VPS53: variants seen among roughly 807,000 people sequenced by gnomAD.
The protein encoded by VPS53 is vacuolar protein sorting-associated protein 53 homolog.
A neutral mutation model predicts 107.0 loss-of-function variants in VPS53; 70 were observed. That is an observed-to-expected ratio of 0.65 (90% CI 0.54 to 0.80). VPS53 has a LOEUF of 0.80. Ranked by LOEUF, VPS53 falls within the 30% of genes least tolerant of loss-of-function variation. The pLI, the probability that VPS53 is intolerant of heterozygous loss-of-function variation, is 0.00. For synonymous variants in VPS53, 409 were observed against 393.3 expected, an observed-to-expected ratio of 1.04 and a Z score of -0.47; for missense variants, 917 against 1,049.4, an observed-to-expected ratio of 0.87 and a Z score of 1.74.
intron 10 of VPS53, among the ~76,000 whole-genome samples, chr17:624,456 A>G (rs1160466585): frequency 6.6e-6 from 1 of 152,216 alleles, no homozygotes; most frequent in Non-Finnish European, 1.5e-5. Flanking sequence ...GTTCCATCTC[A>G]GAAGCTCAGT....
chr17:642,298 C>T (rs926822812), intron 7 of VPS53, among the ~76,000 whole-genome samples: 1 of 151,820 alleles, frequency 6.6e-6, no homozygotes, highest in African/African-American at 2.4e-5. Context: ...TACTTGGCAA[C>T]CGAGGACAAC....
intron 13 of VPS53, among the ~76,000 whole-genome samples, chr17:563,555 A>G (rs895658597): frequency 1.3e-5 from 2 of 152,200 alleles, no homozygotes; most frequent in African/African-American, 4.8e-5. Context: ...TGGCCTCCCA[A>G]AGTGCTGGGA....
chr17:591,071 A>G (rs1349594819), intron 12 of VPS53, among the ~76,000 whole-genome samples: 1 of 152,148 alleles, frequency 6.6e-6, no homozygotes, highest in African/African-American at 2.4e-5. Context: ...TTATTGGTCT[A>G]TTCAGAGATT....
rs1282036208 is a variant in VPS53, at chr17:706,535, C to CAA, written c.168+3996_168+3997dup. On this transcript the variant is annotated intron_variant, in intron 2 of 21. Transcript: ENST00000437048. ...CTGGCAACAGAGTGAGACTCAGTCT[C>CAA]AAAAAAAAAAAAAAAAAATTACACA... 3.6e-4 allele frequency among the ~76,000 whole-genome samples: 24 copies of CAA among 66,234 alleles called. No individual in the cohort carries two copies. In the South Asian group the frequency reaches 6.0e-3, roughly 16 times the overall value. The allele number at this position is 66,234 out of a possible 152,430, so 43.5% of individuals were successfully genotyped here.
At chr17:553,190 G>T in intron 16 of VPS53, 190 bp downstream of exon 16, 1 of 250,700 alleles carries the variant, frequency 4.0e-6, no homozygotes, top group Non-Finnish European at 7.0e-6. Flanking sequence ...TATACGTGCC[G>T]CACGCTGCTG....
intron 4 of VPS53, among the ~76,000 whole-genome samples, chr17:685,538 T>C (rs1210495037): frequency 6.6e-6 from 1 of 152,222 alleles, no homozygotes; most frequent in African/African-American, 2.4e-5. Context: ...TGTAGCCTAA[T>C]GTAAGTGTTC....
intron 4 of VPS53, among the ~76,000 whole-genome samples, chr17:672,246 G>C (rs1335335628): frequency 6.8e-6 from 1 of 146,804 alleles, no homozygotes; most frequent in Non-Finnish European, 1.5e-5. Flanking sequence ...TCAGCTGTTT[G>C]ACAAGCCCAG....
intron 2 of VPS53, among the ~76,000 whole-genome samples, chr17:709,178 G>A (rs118039311): frequency 0.021 from 2,810 of 135,058 alleles, 44 homozygotes; most frequent in South Asian, 0.038. Flanking sequence ...CTGGTATCAC[G>A]GCGCATCACG....
intron 5 of VPS53, among the ~76,000 whole-genome samples, chr17:657,728 A>T (rs556861985): frequency 6.6e-6 from 1 of 151,980 alleles, no homozygotes; most frequent in Non-Finnish European, 1.5e-5. Flanking sequence ...TAACTTGGCC[A>T]TGAGTTCATG....
At chr17:528,305 C>T (rs1364577995) in intron 19 of VPS53, among the ~76,000 whole-genome samples, 7 of 152,270 alleles carry the variant, frequency 4.6e-5, no homozygotes, top group Middle Eastern at 3.4e-3. Flanking sequence ...TTCTGTTTTA[C>T]GGATTTGCCT....
At chr17:690,374 A>G (rs1326897138) in intron 4 of VPS53, among the ~76,000 whole-genome samples, 1 of 152,268 alleles carries the variant, frequency 6.6e-6, no homozygotes. Context: ...TGCCCTTTGC[A>G]GTGTTTGTGA....
intron 7 of VPS53, among the ~76,000 whole-genome samples, chr17:651,662 G>C (rs1350749989): frequency 6.6e-6 from 1 of 152,214 alleles, no homozygotes; most frequent in East Asian, 1.9e-4. Flanking sequence ...AAAGAAGCCT[G>C]TAGCATTCGG....
chr17:702,226 C>T (rs565678161), intron 2 of VPS53, among the ~76,000 whole-genome samples: 1 of 152,016 alleles, frequency 6.6e-6, no homozygotes, highest in African/African-American at 2.4e-5. Context: ...TGGTAGCACA[C>T]GCCTGTAGTA....
At chr17:598,402 G>C (rs1371058142) in intron 12 of VPS53, among the ~76,000 whole-genome samples, 3 of 151,786 alleles carry the variant, frequency 2.0e-5, no homozygotes, top group Non-Finnish European at 4.4e-5. Context: ...GAAGTGAGAA[G>C]CGTCTCTGCC....
chr17:542,173 G>T (rs1223755564), intron 17 of VPS53, among the ~76,000 whole-genome samples: 1 of 152,232 alleles, frequency 6.6e-6, no homozygotes, highest in African/African-American at 2.4e-5. Context: ...ATTTTCACAT[G>T]ACCTTGCTGC....
At chr17:592,013 A>T (rs1176649922) in intron 12 of VPS53, among the ~76,000 whole-genome samples, 2 of 152,032 alleles carry the variant, frequency 1.3e-5, no homozygotes, top group South Asian at 2.1e-4. Flanking sequence ...CCCATTATTA[A>T]TGTGTGGGAG....
intron 14 of VPS53, among the ~76,000 whole-genome samples, chr17:562,000 C>T (rs1356378819): frequency 2.6e-5 from 4 of 152,116 alleles, no homozygotes; most frequent in Non-Finnish European, 4.4e-5. Context: ...CCAATCCTAC[C>T]GCATCTGAAA....
At chr17:650,505 A>G (rs1469690935) in intron 7 of VPS53, among the ~76,000 whole-genome samples, 1 of 151,472 alleles carries the variant, frequency 6.6e-6, no homozygotes, top group Non-Finnish European at 1.5e-5. Context: ...TCAAAAAAAC[A>G]AAACAAAACA....
intron 4 of VPS53, 79 bp from the exon 5 acceptor site, chr17:661,974 C>G: frequency 8.0e-7 from 1 of 1,255,258 alleles, no homozygotes; most frequent in Non-Finnish European, 1.1e-6. Context: ...ATGCTAGGCA[C>G]AAAAGAAATT....
Sources: gnomAD v4.1 joint callset for allele counts (sites outside exome capture counted in the v4.1 genomes callset) on GRCh38, gnomAD v4.1.1 for gene constraint, MANE v1.5 for transcripts, NCBI Gene and HGNC (gene_info 2026-07-23, HGNC 2026-07-21) for gene names.